DNAAF4: variants seen among roughly 807,000 people sequenced by gnomAD.
DNAAF4 encodes dynein assembly factor 4, axonemal.
In DNAAF4, 43 loss-of-function variants were observed where a neutral mutation model predicts 51.8. That is an observed-to-expected ratio of 0.83 (90% CI 0.65 to 1.07). The LOEUF (loss-of-function observed/expected upper bound fraction) is 1.07. Among genes scored for constraint, DNAAF4 ranks in the 50% least tolerant of loss-of-function variants. DNAAF4 has a pLI of 0.00. For synonymous variants in DNAAF4, 194 were observed against 165.6 expected (o/e 1.17, Z -1.32); for missense variants, 581 against 493.0 (o/e 1.18, Z -1.69).
chr15:55,492,687 G>A (rs1470530933), intron 3 of DNAAF4, among the ~76,000 whole-genome samples: 1 of 151,862 alleles, frequency 6.6e-6, no homozygotes. Context: ...CTACGGGTGG[G>A]CATCACCACG....
At chr15:55,476,840 T>C (rs549805531) in intron 4 of DNAAF4, among the ~76,000 whole-genome samples, 69 of 152,090 alleles carry the variant, frequency 4.5e-4, no homozygotes, top group Non-Finnish European at 8.5e-4. Context: ...AGAGTTATTG[T>C]TTAATGGGTA....
chr15:55,490,940 T>A, intron 4 of DNAAF4, 183 bp downstream of exon 4: 2 of 584,552 alleles, frequency 3.4e-6, no homozygotes, highest in Non-Finnish European at 5.5e-6. Flanking sequence ...GGCGACAGAG[T>A]GAGACTCGGT....
intron 7 of DNAAF4, among the ~76,000 whole-genome samples, chr15:55,435,518 T>G (rs952904812): frequency 1.3e-5 from 2 of 152,134 alleles, no homozygotes; most frequent in Non-Finnish European, 2.9e-5. Flanking sequence ...AAGCTGATAC[T>G]ATGGAAATAT....
chr15:55,498,069 G>A, intron 2 of DNAAF4, 138 bp downstream of exon 2: 1 of 1,454,412 alleles, frequency 6.9e-7, no homozygotes, highest in Admixed American at 2.3e-5. Context: ...TACCTGTATG[G>A]GATTCATTTT....
At chr15:55,447,012 T>C (rs2264297) in intron 6 of DNAAF4, among the ~76,000 whole-genome samples, 134,453 of 137,790 alleles carry the variant, frequency 0.98, 65,601 homozygotes, top group East Asian at 0.99. Flanking sequence ...AGAGGCGCTC[T>C]CCACTTCCCA....
At chr15:55,457,235 C>T (rs2058033668) in intron 5 of DNAAF4, among the ~76,000 whole-genome samples, 1 of 152,176 alleles carries the variant, frequency 6.6e-6, no homozygotes, top group African/African-American at 2.4e-5. Flanking sequence ...CAGAGTGAGA[C>T]TGGCCTTGGT....
intron 4 of DNAAF4, among the ~76,000 whole-genome samples, chr15:55,468,924 G>C (rs2058208451): frequency 2.0e-5 from 3 of 151,986 alleles, no homozygotes; most frequent in Admixed American, 1.3e-4. Flanking sequence ...AACCAAGAAA[G>C]GCTTCACAGA....
chr15:55,498,476 T>A lies in DNAAF4; in HGVS notation c.-147A>T, dbSNP rs562013700. The A allele has an allele frequency of 8.1e-6, 10 of 1,234,136 alleles. No homozygotes were observed. Among genetic ancestry groups the A allele is most frequent in the Non-Finnish European group, 4.4e-6 (4 of 917,714 alleles). The allele number at this position is 1,234,136 out of a possible 1,614,324, so 76.4% of individuals were successfully genotyped here. A position where few individuals can be genotyped will look rare whatever the true frequency, so the allele number is the denominator to read the frequency against. On this transcript the variant is annotated 5_prime_UTR_variant, in exon 2 of 10. Coordinates refer to ENST00000321149, the MANE Select transcript of DNAAF4 (RefSeq NM_130810.4). Reference sequence around the variant, plus strand: ...CCCAGCGTGCTCCGGCGCCAGCACCTCGCGGACTCCATGCGTGACTATCCA... The same window carrying A: ...CCCAGCGTGCTCCGGCGCCAGCACCACGCGGACTCCATGCGTGACTATCCA...
intron 4 of DNAAF4, among the ~76,000 whole-genome samples, chr15:55,475,503 A>G (rs1016056587): frequency 6.6e-6 from 1 of 152,128 alleles, no homozygotes; most frequent in Non-Finnish European, 1.5e-5. Context: ...CCCTTGTCCA[A>G]AATGCTTGGA....
chr15:55,462,197 G>GT lies in DNAAF4; in HGVS notation c.637+4732dup, dbSNP rs559031776. Among the ~76,000 whole-genome samples, 461 of 146,306 alleles carry GT rather than the reference G, an allele frequency of 3.2e-3. 4 individuals are homozygous for GT. Among genetic ancestry groups the GT allele is most frequent in the African/African-American group, 7.9e-3 (316 of 40,146 alleles). Reference sequence around the variant, plus strand: ...CCAGGACCAGATGGATTCACAGCTGGTTTTTTTTTTTTAAGACAGGGTCTT... The same window carrying GT: ...CCAGGACCAGATGGATTCACAGCTGGTTTTTTTTTTTTTAAGACAGGGTCTT... On this transcript the variant is annotated intron_variant, in intron 5 of 9. Transcript: ENST00000321149.
At chr15:55,484,071 C>T (rs1230110117) in intron 4 of DNAAF4, among the ~76,000 whole-genome samples, 1 of 151,784 alleles carries the variant, frequency 6.6e-6, no homozygotes, top group East Asian at 1.9e-4. Context: ...GATGGCTACT[C>T]TCAAAAAACC....
chr15:55,458,921 C>T (rs770454793), intron 5 of DNAAF4, among the ~76,000 whole-genome samples: 14 of 151,912 alleles, frequency 9.2e-5, no homozygotes, highest in Non-Finnish European at 1.8e-4. Flanking sequence ...ACTAAAAATA[C>T]AAAAATCAGC....
intron 3 of DNAAF4, among the ~76,000 whole-genome samples, chr15:55,493,662 AT>A (rs1012503763): frequency 4.6e-5 from 7 of 152,284 alleles, no homozygotes; most frequent in African/African-American, 1.7e-4. Context: ...TGAAAAAAAA[AT>A]GGTTAAATAA....
At chr15:55,443,234 C>A in intron 6 of DNAAF4, 8 of 1,608,080 alleles carry the variant, frequency 5.0e-6, no homozygotes, top group Non-Finnish European at 6.8e-6. Flanking sequence ...TTAAGAATGA[C>A]TTCCTCAGAA....
chr15:55,434,328 T>C (rs1045016930), intron 8 of DNAAF4, among the ~76,000 whole-genome samples: 1 of 151,798 alleles, frequency 6.6e-6, no homozygotes, highest in Non-Finnish European at 1.5e-5. Flanking sequence ...TAGTATGATA[T>C]CAAAGTGATG....
At chr15:55,431,800 A>T (rs1196207916) in intron 9 of DNAAF4, among the ~76,000 whole-genome samples, 1 of 151,258 alleles carries the variant, frequency 6.6e-6, no homozygotes, top group African/African-American at 2.4e-5. Context: ...TTTTTTTTTA[A>T]GAGACAGGGT....
downstream of DNAAF4, among the ~76,000 whole-genome samples, chr15:55,427,377 T>C (rs2057441026): frequency 6.7e-6 from 1 of 150,360 alleles, no homozygotes; most frequent in Admixed American, 6.6e-5. Context: ...GGGAGCAGAG[T>C]TTTTAAAGAC....
chr15:55,434,919 C>G lies in DNAAF4; in HGVS notation c.1033G>C (p.Glu345Gln). 6.2e-7 allele frequency: 1 copy of G among 1,609,316 alleles called. No homozygotes were observed. Among genetic ancestry groups the G allele is most frequent in the Non-Finnish European group, 8.5e-7 (1 of 1,178,802 alleles). ...LKLKNLHKAI[E>Q]DSSKALELLM... The stretch of plus-strand genomic sequence containing the variant: ...GATATCCATACCTTAGAAGAATCTT[C>G]AATAGCCTTGTGTAAGTTTTTTAGT... The change falls in exon 8 of 10, where the codon GAA becomes CAA. Residue 345 changes from glutamate (E) to glutamine (Q), a missense_variant. Coordinates refer to ENST00000321149, the MANE Select transcript of DNAAF4 (RefSeq NM_130810.4).
chr15:55,471,374 AAAT>A (rs2058252874), intron 4 of DNAAF4, among the ~76,000 whole-genome samples: 1 of 152,210 alleles, frequency 6.6e-6, no homozygotes, highest in Non-Finnish European at 1.5e-5. Context: ...GTCAAAATCC[AAAT>A]AATTTAACAA....
Sources: gnomAD v4.1 joint callset for allele counts (sites outside exome capture counted in the v4.1 genomes callset) on GRCh38, gnomAD v4.1.1 for gene constraint, MANE v1.5 for transcripts, NCBI Gene and HGNC (gene_info 2026-07-23, HGNC 2026-07-21) for gene names.